Variants in CEP131 observed in about 807,000 individuals in gnomAD.
CEP131 encodes centrosomal protein of 131 kDa.
In CEP131, 99 loss-of-function variants were observed where a neutral mutation model predicts 136.8. The observed-to-expected ratio is 0.72, with a 90% CI of 0.62 to 0.86. CEP131 has a LOEUF of 0.86. CEP131 is among the 40% of genes least tolerant of loss of function. The pLI is 0.00. For synonymous variants in CEP131, 646 were observed against 612.7 expected (o/e 1.05, Z -0.80); for missense variants, 1,459 against 1,463.0 (o/e 1.00, Z 0.04).
At chr17:81,196,093 C>A in intron 15 of CEP131, 142 bp from the exon 16 acceptor site, 4 of 652,336 alleles carry the variant, frequency 6.1e-6, no homozygotes, top group Non-Finnish European at 1.0e-5. Flanking sequence ...GTGGATGGAC[C>A]CTGGGGCCAG....
Position 81,219,702 on chromosome 17 carries a change from C to T in CEP131, c.177+178G>A, listed in dbSNP as rs748353503. ...GCTCTGGCTTGACTTTCTAGTGATT[C>T]AGCACCCACGCCTGTAAGACTCAAG... On this transcript the variant is annotated intron_variant, in intron 2 of 25. Transcript: ENST00000450824. This position sits in a 1 kb window ranked among gnomAD's most constrained non-coding sequence, Gnocchi z 4.0. Among the ~76,000 whole-genome samples the T allele has an allele frequency of 5.3e-5, 8 of 152,182 alleles. 1 individual carries two copies. Among genetic ancestry groups the T allele is most frequent in the Non-Finnish European group, 1.2e-4 (8 of 68,040 alleles).
chr17:81,196,551 G>A, intron 15 of CEP131, 150 bp downstream of exon 15: 2 of 1,254,484 alleles, frequency 1.6e-6, no homozygotes, highest in South Asian at 3.1e-5. Context: ...GGCTGGGAAT[G>A]GCATGGGAAA....
chr17:81,209,094 T>C, intron 2 of CEP131, 72 bp from the exon 3 acceptor site: 1 of 1,174,948 alleles, frequency 8.5e-7, no homozygotes, highest in Non-Finnish European at 1.2e-6. Context: ...CTCCGCCAGC[T>C]TTGGAGAAAC....
Position 81,196,779 on chromosome 17 carries a change from C to G in CEP131, c.1821G>C (p.Lys607Asn). 1 of 1,587,918 alleles carries G rather than the reference C, an allele frequency of 6.3e-7. No homozygotes were observed. The highest frequency in any genetic ancestry group is 8.6e-7 in the Non-Finnish European group (1 of 1,168,122). Residue 607 changes from lysine to asparagine, a missense_variant, in exon 15 of 26, where the codon AAG becomes AAC. Lys to Asn is a moderately conservative substitution (Grantham distance 94, BLOSUM62 0). Coordinates refer to ENST00000450824, the MANE Select transcript of CEP131 (RefSeq NM_014984.4). ...LTARRVKETE[K>N]ALSRQLQRQR... ...GCCGCTGCAGCTGCCGGCTCAGCGC[C>G]TTCTCTGTCTCCTTGACCCGCCGGG...
In CEP131 at chr17:81,203,321, C is replaced by T. The variant is rs1032746441; in HGVS notation, c.629+173G>A. On this transcript the variant is annotated intron_variant, in intron 6 of 25. Transcript: ENST00000450824. This position sits in a 1 kb window ranked among gnomAD's most constrained non-coding sequence, Gnocchi z 4.6. Reference sequence around the variant, plus strand: ...CACGCGGTTTTACGTGCACTGACCACGTGCCCTGACCGAGGTTGGACCCCA... The same window carrying T: ...CACGCGGTTTTACGTGCACTGACCATGTGCCCTGACCGAGGTTGGACCCCA... Among the ~76,000 whole-genome samples, 7 of 152,186 alleles carry T rather than the reference C, an allele frequency of 4.6e-5. No homozygotes were observed. The highest frequency in any genetic ancestry group is 9.7e-5 in the African/African-American group (4 of 41,442).
At chr17:81,211,000 G>A (rs1419558709) in intron 2 of CEP131, among the ~76,000 whole-genome samples, 4 of 152,114 alleles carry the variant, frequency 2.6e-5, no homozygotes, top group Non-Finnish European at 5.9e-5. Flanking sequence ...GTTAAAGGAG[G>A]CCAGACAGAG....
At chr17:81,198,381 CA>C in intron 11 of CEP131, 84 bp from the exon 12 acceptor site, 1 of 1,399,828 alleles carries the variant, frequency 7.1e-7, no homozygotes. Context: ...CGCAGAGCCC[CA>C]AAGGCGCCGC....
At position 81,196,692 on chromosome 17, in the gene CEP131, G is replaced by A. The variant is rs1488914990; in HGVS notation, c.1899+9C>T. The A allele has an allele frequency of 1.9e-6, 3 of 1,600,826 alleles. No individual in the cohort carries two copies. Among genetic ancestry groups the A allele is most frequent in the Non-Finnish European group, 2.5e-6 (3 of 1,177,728 alleles). On this transcript the variant is annotated intron_variant, in intron 15 of 25. Transcript: ENST00000450824. Reference sequence around the variant, plus strand: ...GGGTCCGGGCCTCTGCGCTCCCCGGGCCGCTCACCTGGTCAATGAAGGCCA... The same window carrying A: ...GGGTCCGGGCCTCTGCGCTCCCCGGACCGCTCACCTGGTCAATGAAGGCCA...
chr17:81,192,848 G>A lies in CEP131; in HGVS notation c.2322-5C>T, dbSNP rs147101997. The stretch of plus-strand genomic sequence containing the variant: ...TGCTCCAGGTGCTGCTGGAACCTGC[G>A]GGACGGTCAGGACTGGCTCTCGGGG... On this transcript the variant is annotated splice_polypyrimidine_tract_variant and splice_region_variant and intron_variant, in intron 18 of 25. Transcript: ENST00000450824. 0.019 allele frequency: 30,902 copies of A among 1,596,084 alleles called. 395 individuals carry two copies. Among genetic ancestry groups the A allele is most frequent in the African/African-American group, 0.065 (4,881 of 74,954 alleles).
At chr17:81,207,985 T>A (rs1202839696) in intron 3 of CEP131, among the ~76,000 whole-genome samples, 4 of 3,148 alleles carry the variant, frequency 1.3e-3, no homozygotes, top group East Asian at 9.3e-3. Context: ...CATGCACCAC[T>A]CACAAACCAC....
intron 1 of CEP131, among the ~76,000 whole-genome samples, 152 bp downstream of exon 1, chr17:81,222,617 T>C (rs926952724): frequency 3.3e-5 from 5 of 149,282 alleles, no homozygotes; most frequent in Admixed American, 1.3e-4. Flanking sequence ...CCGCCTTCAA[T>C]TGCGCGGGCA....
chr17:81,213,817 G>A (rs2062186272), intron 2 of CEP131, among the ~76,000 whole-genome samples: 1 of 152,176 alleles, frequency 6.6e-6, no homozygotes. Flanking sequence ...TGGACAGTGT[G>A]GACCCCAGAC....
chr17:81,196,144 C>T (rs8071693), intron 15 of CEP131, among the ~76,000 whole-genome samples, 193 bp from the exon 16 acceptor site: 12,951 of 152,218 alleles, frequency 0.085, 715 homozygotes, highest in African/African-American at 0.16. Context: ...GGCCTGCATC[C>T]GCCGTCCTGT....
At chr17:81,200,647 A>G (rs1346425365) in intron 7 of CEP131, among the ~76,000 whole-genome samples, 1 of 152,160 alleles carries the variant, frequency 6.6e-6, no homozygotes, top group Admixed American at 6.5e-5. Context: ...ACTAAAACCC[A>G]AAACCTTCTT....
chr17:81,193,205 G>A (rs887063025), intron 18 of CEP131, among the ~76,000 whole-genome samples: 1 of 152,182 alleles, frequency 6.6e-6, no homozygotes, highest in Admixed American at 6.5e-5. Flanking sequence ...TGCCTCGTGG[G>A]GCCTTATCCA....
chr17:81,209,291 C>T (rs989521669), intron 2 of CEP131, among the ~76,000 whole-genome samples: 9 of 152,220 alleles, frequency 5.9e-5, no homozygotes, highest in East Asian at 1.9e-4. Context: ...AGAGGGAGGG[C>T]GGGAAGGGAG....
rs994585006 is a variant in CEP131, at chr17:81,203,207, C to G, written c.629+287G>C. ...AGCCCCAGACCTCACTGTGCCACATCTGGGCTGTTTTCTCTCTGTGGGAAG... is the reference window on the plus strand; with the variant it reads ...AGCCCCAGACCTCACTGTGCCACATGTGGGCTGTTTTCTCTCTGTGGGAAG... On this transcript the variant is annotated intron_variant, in intron 6 of 25. Transcript: ENST00000450824. This position sits in a 1 kb window ranked among gnomAD's most constrained non-coding sequence, Gnocchi z 4.6. 3.9e-5 allele frequency among the ~76,000 whole-genome samples: 6 copies of G among 152,186 alleles called. No individual in the cohort carries two copies. Among genetic ancestry groups the G allele is most frequent in the African/African-American group, 1.4e-4 (6 of 41,458 alleles).
rs376678293 is a variant in CEP131, at chr17:81,196,825, G to A, written c.1775C>T (p.Ala592Val). Residue 592 changes from alanine (A) to valine (V), a missense_variant and splice_region_variant, in exon 15 of 26, where the codon GCG becomes GTG. Around this residue, in one of 3 missense-constraint regions of CEP131, gnomAD observed 1,026 missense variants for 964.2 expected, o/e 1.06. Coordinates refer to ENST00000450824, the MANE Select transcript of CEP131 (RefSeq NM_014984.4). ...QAMLLLQRAL[A>V]QQRDLTARRV... is the part of the protein sequence containing the mutation. ...CCGGGCCGTGAGGTCTCGCTGCTGCGCCTGCAGGGTGTGGGCAGAGGAGGG... is the reference window on the plus strand; with the variant it reads ...CCGGGCCGTGAGGTCTCGCTGCTGCACCTGCAGGGTGTGGGCAGAGGAGGG... 117 of 1,595,260 alleles carry A rather than the reference G, an allele frequency of 7.3e-5. No homozygotes were observed. Among genetic ancestry groups the A allele is most frequent in the Admixed American group, 5.2e-5 (3 of 57,174 alleles).
intron 18 of CEP131, among the ~76,000 whole-genome samples, chr17:81,193,298 C>G (rs1318490888): frequency 6.6e-6 from 1 of 152,226 alleles, no homozygotes; most frequent in East Asian, 1.9e-4. Context: ...GTCCTGACCC[C>G]ACCTTCGAGG....
Sources: gnomAD v4.1 joint callset for allele counts (sites outside exome capture counted in the v4.1 genomes callset) on GRCh38, gnomAD v4.1.1 for gene constraint, gnomAD v4.1.1 regional missense constraint, Gnocchi (gnomAD v3.1) non-coding constraint, MANE v1.5 for transcripts, NCBI Gene and HGNC (gene_info 2026-07-23, HGNC 2026-07-21) for gene names.